FHAD1: variants seen among roughly 807,000 people sequenced by gnomAD.
FHAD1 encodes forkhead associated phosphopeptide binding domain 1, also known as forkhead-associated domain-containing protein 1.
Under a neutral mutation model 191.3 loss-of-function variants are expected in FHAD1, and 146 were observed. That is an observed-to-expected ratio of 0.76 (90% CI 0.67 to 0.88). The LOEUF (loss-of-function observed/expected upper bound fraction) is 0.88, where lower values mean the gene tolerates loss of function less well. Among genes scored for constraint, FHAD1 ranks in the 40% least tolerant of loss-of-function variants. The probability of loss-of-function intolerance (pLI) is 0.00; values close to 1 mark genes in which losing one functional copy is unlikely to be tolerated. For missense variants in FHAD1, 1,635 were observed against 1,785.8 expected, an observed-to-expected ratio of 0.92 and a Z score of 1.52; for synonymous variants, 616 against 672.3, an observed-to-expected ratio of 0.92 and a Z score of 1.29.
chr1:15,253,225 A>G lies in FHAD1; in HGVS notation c.93+1348A>G, dbSNP rs138170562. Among the ~76,000 whole-genome samples the G allele has an allele frequency of 3.8e-3, 578 of 151,680 alleles. 5 individuals are homozygous for G. The highest frequency in any genetic ancestry group is 0.013 in the African/African-American group (546 of 41,360). On this transcript the variant is annotated intron_variant, in intron 2 of 33. Coordinates refer to ENST00000688493, the MANE Select transcript of FHAD1 (RefSeq NM_001391957.1). ...GAGAGGACAATGTGTGTAGTTCTGT[A>G]TCATTTTATAGATCACATGTGTATT...
Position 15,354,647 on chromosome 1 carries a change from A to C in FHAD1, c.2562+1663A>C, listed in dbSNP as rs571848372. Among the ~76,000 whole-genome samples the C allele has an allele frequency of 7.2e-5, 11 of 152,272 alleles. No individual in the cohort carries two copies. In the South Asian group the frequency reaches 2.1e-3, roughly 29 times the overall value. On this transcript the variant is annotated intron_variant, in intron 20 of 33. Coordinates refer to ENST00000688493, the MANE Select transcript of FHAD1 (RefSeq NM_001391957.1). ...AAGTTTTAAAAGTAGGTAAGTTGGG[A>C]CATAAAAGGGATCCAGAATGAGACT... is the stretch of plus-strand genomic sequence containing the variant.
At chr1:15,383,390 G>A (rs1188491824) in intron 31 of FHAD1, 6 of 393,222 alleles carry the variant, frequency 1.5e-5, no homozygotes, top group Non-Finnish European at 2.6e-5. Flanking sequence ...GACCCATGCA[G>A]GTGGTCTCCT....
intron 32 of FHAD1, among the ~76,000 whole-genome samples, chr1:15,389,484 A>G (rs1297205390): frequency 1.3e-5 from 2 of 151,134 alleles, no homozygotes; most frequent in Admixed American, 1.3e-4. Context: ...TGGAAGAGAA[A>G]GGAGGGAAGA....
intron 1 of FHAD1, among the ~76,000 whole-genome samples, chr1:15,242,186 TCG>T (rs1439656220): frequency 7.2e-6 from 1 of 139,524 alleles, no homozygotes; most frequent in Non-Finnish European, 1.5e-5. Flanking sequence ...TGAGCCGAGA[TCG>T]CACCACTGCA....
At chr1:15,315,785 C>T (rs1399226214) in intron 8 of FHAD1, among the ~76,000 whole-genome samples, 2 of 152,102 alleles carry the variant, frequency 1.3e-5, no homozygotes, top group Non-Finnish European at 2.9e-5. Context: ...CGCGCCCAGC[C>T]GGGTATTTCC....
At chr1:15,240,956 CAAAAAAA>C (rs55740154) in intron 1 of FHAD1, among the ~76,000 whole-genome samples, 7 of 124,800 alleles carry the variant, frequency 5.6e-5, no homozygotes, top group Non-Finnish European at 1.0e-4. Context: ...GACTCTATCT[CAAAAAAA>C]AAAAAAAAAA....
chr1:15,399,428 T>C (rs945880415), downstream of FHAD1, among the ~76,000 whole-genome samples: 2 of 152,094 alleles, frequency 1.3e-5, no homozygotes, highest in Non-Finnish European at 2.9e-5. Flanking sequence ...TTAGCTGGCA[T>C]GGTGGTGTGT....
intron 1 of FHAD1, among the ~76,000 whole-genome samples, chr1:15,236,820 T>G (rs1465633496): frequency 6.6e-6 from 1 of 152,234 alleles, no homozygotes; most frequent in African/African-American, 2.4e-5. Flanking sequence ...TGATATGGTT[T>G]GGCTGTGTCT....
intron 33 of FHAD1, among the ~76,000 whole-genome samples, chr1:15,392,422 C>G (rs918898719): frequency 2.0e-5 from 3 of 152,152 alleles, no homozygotes; most frequent in Non-Finnish European, 4.4e-5. Flanking sequence ...GTCCCAGCTA[C>G]TCGGGAGGCT....
chr1:15,388,641 C>T (rs1259030706), intron 32 of FHAD1, among the ~76,000 whole-genome samples: 1 of 151,848 alleles, frequency 6.6e-6, no homozygotes, highest in African/African-American at 2.4e-5. Flanking sequence ...GAAAGTGCCT[C>T]GCATAAGCAC....
At chr1:15,354,042 G>A (rs1691861509) in intron 20 of FHAD1, among the ~76,000 whole-genome samples, 2 of 152,218 alleles carry the variant, frequency 1.3e-5, no homozygotes, top group South Asian at 4.1e-4. Context: ...TGGCAATCAT[G>A]GGTTAAATTT....
At chr1:15,355,478 G>T (rs1692409059) in intron 20 of FHAD1, among the ~76,000 whole-genome samples, 2 of 152,248 alleles carry the variant, frequency 1.3e-5, no homozygotes, top group South Asian at 4.1e-4. Context: ...AAACGCATGG[G>T]ACCGGTGAAC....
intron 14 of FHAD1, among the ~76,000 whole-genome samples, chr1:15,337,659 A>G (rs1318348730): frequency 6.6e-6 from 1 of 152,172 alleles, no homozygotes; most frequent in Non-Finnish European, 1.5e-5. Context: ...AAGACTTGAC[A>G]ATATCAGCAG....
chr1:15,272,405 G>T lies in FHAD1; in HGVS notation c.176G>T (p.Arg59Leu). 2.6e-6 allele frequency: 4 copies of T among 1,551,642 alleles called. No homozygotes were observed. In the South Asian group the frequency reaches 4.8e-5, roughly 18 times the overall value. ...CSFVLQDFNSRNGTFVNECHI... is the reference protein window; with the variant it reads ...CSFVLQDFNSLNGTFVNECHI... ...TTTGTTCTCCAGGACTTCAATTCCC[G>T]CAACGGCACGTTTGTCAACGAGTGC... Residue 59 changes from arginine (R) to leucine (L), a missense_variant, in exon 3 of 34, where the codon CGC (arginine) becomes CTC (leucine). Arg to Leu is a moderately radical substitution (Grantham distance 102, BLOSUM62 -2). Transcript: ENST00000688493.
intron 32 of FHAD1, among the ~76,000 whole-genome samples, chr1:15,390,692 C>T (rs1368653699): frequency 6.6e-6 from 1 of 152,148 alleles, no homozygotes; most frequent in East Asian, 1.9e-4. Context: ...ACCCCAGGGT[C>T]AGCAACTGTA....
rs944720933 is a variant in FHAD1, at chr1:15,289,831, G to C, written c.568+165G>C. On this transcript the variant is annotated intron_variant, in intron 4 of 33. Coordinates refer to ENST00000688493, the MANE Select transcript of FHAD1 (RefSeq NM_001391957.1). This position sits in a 1 kb window ranked among gnomAD's most constrained non-coding sequence, Gnocchi z 4.2. Reference sequence around the variant, plus strand: ...AAGTAAGAAAACAGTTAAAAAATCAGCCGTAATCCTTATCCCCAGGGTCTC... The same window carrying C: ...AAGTAAGAAAACAGTTAAAAAATCACCCGTAATCCTTATCCCCAGGGTCTC... Among the ~76,000 whole-genome samples the C allele has an allele frequency of 1.3e-5, 2 of 152,174 alleles. No individual in the cohort carries two copies. Among genetic ancestry groups the C allele is most frequent in the African/African-American group, 4.8e-5 (2 of 41,444 alleles).
chr1:15,290,927 G>C lies in FHAD1; in HGVS notation c.568+1261G>C, dbSNP rs1664469042. Among the ~76,000 whole-genome samples, 3 of 152,086 alleles carry C rather than the reference G, an allele frequency of 2.0e-5. No homozygotes were observed. In the South Asian group the frequency reaches 6.2e-4, roughly 32 times the overall value. On this transcript the variant is annotated intron_variant, in intron 4 of 33. Coordinates refer to ENST00000688493, the MANE Select transcript of FHAD1 (RefSeq NM_001391957.1). ...GATGGGGTTTCACCATGTTAGCCAG[G>C]ATGGTCTTGATCTCCTGACCTTGTG...
At chr1:15,287,290 T>C (rs1662804985) in intron 3 of FHAD1, 1 of 152,302 alleles carries the variant, frequency 6.6e-6, no homozygotes, top group African/African-American at 2.4e-5. Flanking sequence ...TTTGAATGCC[T>C]GGCCAGGTGT....
chr1:15,331,802 A>G lies in FHAD1; in HGVS notation c.1906+2261A>G, dbSNP rs146130175. 2.5e-3 allele frequency among the ~76,000 whole-genome samples: 377 copies of G among 152,200 alleles called. 5 individuals are homozygous for G. The East Asian group carries it at 0.028, about 11-fold the overall frequency. Reference sequence around the variant, plus strand: ...GCCATAGATATGAATGGTATCAGTTAGGAAGATTATTTATTCTTCAGTCTT... The same window carrying G: ...GCCATAGATATGAATGGTATCAGTTGGGAAGATTATTTATTCTTCAGTCTT... On this transcript the variant is annotated intron_variant, in intron 14 of 33. Transcript: ENST00000688493.
Sources: allele counts gnomAD v4.1 joint callset (sites outside exome capture counted in the v4.1 genomes callset), GRCh38; gene constraint gnomAD v4.1.1; non-coding constraint Gnocchi (gnomAD v3.1); transcripts MANE v1.5; gene names NCBI Gene and HGNC (gene_info 2026-07-23, HGNC 2026-07-21).